The following GALNTL6 variants were observed in gnomAD, a reference collection of about 807,000 sequenced individuals.
The protein encoded by GALNTL6 is polypeptide N-acetylgalactosaminyltransferase-like 6.
Under a neutral mutation model 73.7 loss-of-function variants are expected in GALNTL6, and 46 were observed. That is an observed-to-expected ratio of 0.62 (90% CI 0.49 to 0.80). The LOEUF (loss-of-function observed/expected upper bound fraction) is 0.80. GALNTL6 is among the 30% of genes least tolerant of loss of function. GALNTL6 has a pLI of 0.00. For missense variants in GALNTL6, 604 were observed against 755.0 expected, an observed-to-expected ratio of 0.80 and a Z score of 2.34; for synonymous variants, 259 against 263.7, an observed-to-expected ratio of 0.98 and a Z score of 0.17.
intron 5 of GALNTL6, among the ~76,000 whole-genome samples, chr4:172,551,570 C>T (rs1446567124): frequency 6.6e-6 from 1 of 151,920 alleles, no homozygotes; most frequent in Non-Finnish European, 1.5e-5. Context: ...AACCAAATTC[C>T]TGAAAAAGAA....
At chr4:172,578,222 A>G (rs1440167608) in intron 5 of GALNTL6, among the ~76,000 whole-genome samples, 2 of 152,228 alleles carry the variant, frequency 1.3e-5, no homozygotes, top group Non-Finnish European at 2.9e-5. Flanking sequence ...ACAAAAGCCA[A>G]GGATGACTTT....
chr4:172,244,382 T>G (rs1737553226), intron 3 of GALNTL6, among the ~76,000 whole-genome samples: 2 of 152,224 alleles, frequency 1.3e-5, no homozygotes, highest in South Asian at 4.1e-4. Flanking sequence ...CTCAGGAGAT[T>G]TATTAAACTG....
intron 5 of GALNTL6, among the ~76,000 whole-genome samples, chr4:172,586,856 G>A (rs1167521294): frequency 6.6e-6 from 1 of 152,200 alleles, no homozygotes; most frequent in Non-Finnish European, 1.5e-5. Flanking sequence ...TTGGGGAGTA[G>A]AGCAAGTGTT....
intron 5 of GALNTL6, among the ~76,000 whole-genome samples, chr4:172,745,446 T>TATATATATACACACAC (rs34523518): frequency 2.5e-4 from 36 of 145,312 alleles, no homozygotes; most frequent in African/African-American, 7.1e-4. Context: ...TATATATATG[T>TATATATATACACACAC]ACACATAACT....
At chr4:172,305,659 G>C (rs1478378173) in intron 3 of GALNTL6, among the ~76,000 whole-genome samples, 1 of 152,044 alleles carries the variant, frequency 6.6e-6, no homozygotes, top group Non-Finnish European at 1.5e-5. Context: ...GACTGTATGA[G>C]ACAATATAAA....
intron 5 of GALNTL6, among the ~76,000 whole-genome samples, chr4:172,738,791 A>G (rs1736620613): frequency 6.6e-6 from 1 of 152,140 alleles, no homozygotes; most frequent in Admixed American, 6.6e-5. Flanking sequence ...TACATTTAAG[A>G]TATACTTTGG....
chr4:172,990,207 T>C (rs1431093544), intron 10 of GALNTL6, among the ~76,000 whole-genome samples: 1 of 152,232 alleles, frequency 6.6e-6, no homozygotes, highest in Non-Finnish European at 1.5e-5. Flanking sequence ...TGTGTCCTGT[T>C]ATAAAAGAAA....
At chr4:171,996,911 G>A (rs1448112398) in intron 2 of GALNTL6, among the ~76,000 whole-genome samples, 1 of 152,068 alleles carries the variant, frequency 6.6e-6, no homozygotes, top group African/African-American at 2.4e-5. Context: ...TACTAGTGAA[G>A]TTTATAGAAC....
At chr4:172,156,783 G>C (rs967440826) in intron 2 of GALNTL6, among the ~76,000 whole-genome samples, 2 of 151,666 alleles carry the variant, frequency 1.3e-5, no homozygotes, top group Admixed American at 1.3e-4. Flanking sequence ...GCCATGGGGT[G>C]CGGGGGAAGC....
intron 3 of GALNTL6, among the ~76,000 whole-genome samples, chr4:172,289,659 G>T (rs1739392685): frequency 6.6e-6 from 1 of 152,128 alleles, no homozygotes; most frequent in Non-Finnish European, 1.5e-5. Context: ...CACAATCCTG[G>T]CAAGGGTCAC....
intron 12 of GALNTL6, among the ~76,000 whole-genome samples, chr4:173,034,345 G>A (rs1382795254): frequency 1.3e-5 from 2 of 152,032 alleles, no homozygotes; most frequent in Non-Finnish European, 2.9e-5. Context: ...TGACCATTCC[G>A]AGATACTTTC....
intron 3 of GALNTL6, among the ~76,000 whole-genome samples, chr4:172,279,714 T>G (rs1738974062): frequency 6.6e-6 from 1 of 152,124 alleles, no homozygotes; most frequent in Non-Finnish European, 1.5e-5. Flanking sequence ...AACCTAACAA[T>G]TCCACTTCTG....
At chr4:172,350,353 G>A (rs1179941725) in intron 5 of GALNTL6, among the ~76,000 whole-genome samples, 1 of 152,112 alleles carries the variant, frequency 6.6e-6, no homozygotes, top group Non-Finnish European at 1.5e-5. Flanking sequence ...CTTTGAAAAG[G>A]TTGAAAATAC....
At chr4:172,307,691 C>A (rs1406816463) in intron 3 of GALNTL6, among the ~76,000 whole-genome samples, 1 of 152,130 alleles carries the variant, frequency 6.6e-6, no homozygotes, top group Non-Finnish European at 1.5e-5. Flanking sequence ...TTTCTGGGCT[C>A]TCAATTCTGT....
intron 7 of GALNTL6, among the ~76,000 whole-genome samples, chr4:172,823,017 T>C (rs919986613): frequency 6.6e-6 from 1 of 152,174 alleles, no homozygotes; most frequent in Non-Finnish European, 1.5e-5. Flanking sequence ...CCCATTCTTC[T>C]TTAACTGAAA....
intron 2 of GALNTL6, among the ~76,000 whole-genome samples, chr4:172,153,533 A>G (rs1235404867): frequency 6.6e-6 from 1 of 152,232 alleles, no homozygotes; most frequent in Non-Finnish European, 1.5e-5. Context: ...CTCACTGAAG[A>G]GCAAGCATTA....
intron 5 of GALNTL6, among the ~76,000 whole-genome samples, chr4:172,776,543 ACT>A (rs768303877): frequency 8.5e-5 from 13 of 152,124 alleles, no homozygotes; most frequent in Admixed American, 2.6e-4. Flanking sequence ...CAGCAGTCTG[ACT>A]CTCTATACAT....
chr4:172,989,888 A>G (rs1402120782), intron 10 of GALNTL6, among the ~76,000 whole-genome samples: 1 of 152,176 alleles, frequency 6.6e-6, no homozygotes, highest in Non-Finnish European at 1.5e-5. Flanking sequence ...GCTTTTCTGG[A>G]GGTTTCTCCA....
chr4:172,923,088 C>A (rs1475703371), intron 8 of GALNTL6, among the ~76,000 whole-genome samples: 1 of 152,196 alleles, frequency 6.6e-6, no homozygotes, highest in African/African-American at 2.4e-5. Flanking sequence ...TTGCAGTTAA[C>A]CTGCCAGGAT....
Sources: allele counts gnomAD v4.1 joint callset (sites outside exome capture counted in the v4.1 genomes callset), GRCh38; gene constraint gnomAD v4.1.1; transcripts MANE v1.5; gene names NCBI Gene and HGNC (gene_info 2026-07-23, HGNC 2026-07-21).